The following CRAT variants were observed in gnomAD, a reference collection of about 807,000 sequenced individuals.
The protein encoded by CRAT is carnitine acetylase.
CRAT carries 66 observed loss-of-function variants against 73.7 expected under a neutral mutation model. That is an observed-to-expected ratio of 0.90 (90% confidence interval 0.73 to 1.10). The LOEUF is 1.10. Ranked by LOEUF, CRAT falls within the 50% of genes least tolerant of loss-of-function variation. The probability of loss-of-function intolerance (pLI) is 0.00; values close to 1 mark genes in which losing one functional copy is unlikely to be tolerated. For synonymous variants in CRAT, 321 were observed against 343.2 expected, an observed-to-expected ratio of 0.94 and a Z score of 0.71; for missense variants, 745 against 846.9, an observed-to-expected ratio of 0.88 and a Z score of 1.49.
Position 129,110,704 on chromosome 9 carries a change from CG to C in CRAT, c.-196del. On this transcript the variant is annotated 5_prime_UTR_variant, in exon 1 of 14. Coordinates refer to ENST00000318080, the MANE Select transcript of CRAT (RefSeq NM_000755.5). The surrounding 1 kb of genome is among the most constrained non-coding windows in gnomAD (Gnocchi z 5.3). ...GCCGAGCGGGCTGCGGGAAGGCACC[CG>C]GGGAGGAGGACTCGCGAGGCGGGGC... 1.5e-6 allele frequency: 1 copy of C among 669,416 alleles called. No homozygotes were observed. The highest frequency in any genetic ancestry group is 2.3e-6 in the Non-Finnish European group (1 of 433,462). 41.5% of individuals were successfully genotyped at this position (669,416 alleles called of 1,614,324 possible).
chr9:129,108,732 G>T, intron 1 of CRAT: 1 of 1,303,876 alleles, frequency 7.7e-7, no homozygotes, highest in Non-Finnish European at 1.0e-6. Flanking sequence ...CTTGCAGTGG[G>T]CAGGCGAGTG....
In CRAT at chr9:129,095,003, G is replaced by T; in HGVS notation, c.*394C>A. 4.0e-6 allele frequency: 1 copy of T among 250,996 alleles called. No homozygotes were observed. Among genetic ancestry groups the T allele is most frequent in the East Asian group, 1.0e-4 (1 of 9,890 alleles). The allele number at this position is 250,996 out of a possible 1,614,324, so 15.5% of individuals were successfully genotyped here. A position where few individuals can be genotyped will look rare whatever the true frequency, so the allele number is the denominator to read the frequency against. On this transcript the variant is annotated 3_prime_UTR_variant, in exon 14 of 14. Transcript: ENST00000318080. The stretch of plus-strand genomic sequence containing the variant: ...AGGTCCTGGGAGTTTGGGAAGCAGG[G>T]TACAGATGGTGGCCTGGTCATGGAG...
At position 129,102,581 on chromosome 9, in the gene CRAT, G is replaced by A. The variant is rs1465693621; in HGVS notation, c.465-16C>T. The A allele has an allele frequency of 4.3e-6, 7 of 1,613,222 alleles. No homozygotes were observed. Among genetic ancestry groups the A allele is most frequent in the East Asian group, 2.2e-5 (1 of 44,856 alleles). On this transcript the variant is annotated splice_polypyrimidine_tract_variant and intron_variant, in intron 4 of 13. Coordinates refer to ENST00000318080, the MANE Select transcript of CRAT (RefSeq NM_000755.5). ...CAGGGTCTCGCTATGGGGTAGAGGG[G>A]CAGTGAGGCCACCACTGGGCAAGTG... is the stretch of plus-strand genomic sequence containing the variant.
chr9:129,097,127 T>G, intron 12 of CRAT, 123 bp downstream of exon 12: 7 of 744,350 alleles, frequency 9.4e-6, no homozygotes, highest in Non-Finnish European at 1.4e-5. Flanking sequence ...TGCTCCCAGG[T>G]TGGGGGAGAT....
Position 129,098,141 on chromosome 9 carries a change from C to T in CRAT, c.1336G>A (p.Gly446Arg), listed in dbSNP as rs1392643204. 27 of 1,613,662 alleles carry T rather than the reference C, an allele frequency of 1.7e-5. No homozygotes were observed. Among genetic ancestry groups the T allele is most frequent in the Middle Eastern group, 1.6e-4 (1 of 6,084 alleles). ...ALQLAYYRIY[G>R]QACATYESAS... ...CTTTCATAGGTGGCACATGCCTGTCCGTAGATCCTGGTGGGAAATGGGGCT... is the reference window on the plus strand; with the variant it reads ...CTTTCATAGGTGGCACATGCCTGTCTGTAGATCCTGGTGGGAAATGGGGCT... Residue 446 changes from glycine to arginine, a missense_variant, in exon 11 of 14, where the codon GGA becomes AGA. Coordinates refer to ENST00000318080, the MANE Select transcript of CRAT (RefSeq NM_000755.5).
chr9:129,098,744 G>T, intron 8 of CRAT, 94 bp from the exon 9 acceptor site: 4 of 1,455,852 alleles, frequency 2.7e-6, no homozygotes, highest in Non-Finnish European at 3.7e-6. Flanking sequence ...ACCTGAAGCT[G>T]GAGGGGGCCA....
Position 129,110,706 on chromosome 9 carries a change from GGGA to G in CRAT, c.-200_-198del, listed in dbSNP as rs1848386202. 5 of 667,734 alleles carry G rather than the reference GGGA, an allele frequency of 7.5e-6. No individual in the cohort carries two copies. The highest frequency in any genetic ancestry group is 4.6e-5 in the South Asian group (2 of 43,664). 41.4% of individuals were successfully genotyped at this position (667,734 alleles called of 1,614,324 possible). A position where few individuals can be genotyped will look rare whatever the true frequency, so the allele number is the denominator to read the frequency against. The stretch of plus-strand genomic sequence containing the variant: ...CGAGCGGGCTGCGGGAAGGCACCCG[GGGA>G]GGAGGACTCGCGAGGCGGGGCCTGG... On this transcript the variant is annotated 5_prime_UTR_variant, in exon 1 of 14. Transcript: ENST00000318080. The surrounding 1 kb of genome is among the most constrained non-coding windows in gnomAD (Gnocchi z 5.3).
chr9:129,104,937 G>T (rs1316794678), intron 2 of CRAT, among the ~76,000 whole-genome samples: 3 of 116,920 alleles, frequency 2.6e-5, no homozygotes, highest in Non-Finnish European at 5.0e-5. Context: ...GTCTCGCTCT[G>T]TCCCCCACGC....
chr9:129,099,196 G>A (rs1362045680), intron 8 of CRAT, among the ~76,000 whole-genome samples: 1 of 147,594 alleles, frequency 6.8e-6, no homozygotes, highest in East Asian at 2.0e-4. Context: ...AGGCTAGAGT[G>A]CAATGGTGTG....
Position 129,098,464 on chromosome 9 carries a change from G to C in CRAT, c.1205+67C>G. On this transcript the variant is annotated intron_variant, in intron 9 of 13. Coordinates refer to ENST00000318080, the MANE Select transcript of CRAT (RefSeq NM_000755.5). ...GGGTGTCATGACAGAGCTGGCACAGGAGCCTCTCAAGCTCAAGGGCCTGGC... is the reference window on the plus strand; with the variant it reads ...GGGTGTCATGACAGAGCTGGCACAGCAGCCTCTCAAGCTCAAGGGCCTGGC... 4 of 1,589,376 alleles carry C rather than the reference G, an allele frequency of 2.5e-6. No individual in the cohort carries two copies. In the South Asian group the frequency reaches 3.4e-5, roughly 14 times the overall value.
chr9:129,105,003 C>A (rs1847927435), intron 2 of CRAT, among the ~76,000 whole-genome samples: 1 of 149,938 alleles, frequency 6.7e-6, no homozygotes, highest in African/African-American at 2.4e-5. Flanking sequence ...TGGGTTCACG[C>A]CATTCTCCTG....
Position 129,096,072 on chromosome 9 carries a change from G to C in CRAT, c.1591C>G (p.Leu531Val), listed in dbSNP as rs747519287. ...LGLKLQAIEDLVSMPDIFMDT... is the reference protein window; with the variant it reads ...LGLKLQAIEDVVSMPDIFMDT... ...ATGAAGATGTCGGGCATGCTCACCA[G>C]GTCCTCGATGGCCTGCAGCTTCAGG... Residue 531 changes from leucine (L) to valine (V), a missense_variant, in exon 13 of 14, where the codon CTG becomes GTG. By Grantham distance (32) the Leu-to-Val change is conservative. Coordinates refer to ENST00000318080, the MANE Select transcript of CRAT (RefSeq NM_000755.5). The C allele has an allele frequency of 2.5e-6, 4 of 1,614,024 alleles. No individual in the cohort carries two copies. The highest frequency in any genetic ancestry group is 2.2e-5 in the East Asian group (1 of 44,884).
chr9:129,097,736 G>GT, intron 11 of CRAT: 2 of 459,912 alleles, frequency 4.3e-6, no homozygotes, highest in Non-Finnish European at 7.7e-6. Flanking sequence ...AAAAGAGCGA[G>GT]TATTGCAACT....
rs1251240746 is a variant in CRAT, at chr9:129,107,944, A to T, written c.161T>A (p.Leu54Gln). ...QQSLDHYLKA[L>Q]QPIVSEEEWA... ...CTCCTCCTCACTCACGATGGGCTGC[A>T]GCGCCTTCAGGTAGTGGTCCAGGGA... The change falls in exon 2 of 14, where the codon CTG (leucine) becomes CAG (glutamine). Residue 54 changes from leucine to glutamine, a missense_variant. Coordinates refer to ENST00000318080, the MANE Select transcript of CRAT (RefSeq NM_000755.5). This position sits in a 1 kb window ranked among gnomAD's most constrained non-coding sequence, Gnocchi z 5.0. The T allele has an allele frequency of 7.5e-6, 12 of 1,609,228 alleles. No homozygotes were observed. The highest frequency in any genetic ancestry group is 1.0e-5 in the Non-Finnish European group (12 of 1,179,700).
At position 129,104,282 on chromosome 9, in the gene CRAT, C is replaced by T. The variant is rs762680274; in HGVS notation, c.316G>A (p.Ala106Thr). 15 of 1,613,172 alleles carry T rather than the reference C, an allele frequency of 9.3e-6. No homozygotes were observed. Among genetic ancestry groups the T allele is most frequent in the East Asian group, 6.7e-5 (3 of 44,830 alleles). Residue 106 changes from alanine to threonine, a missense_variant, in exon 3 of 14, where the codon GCC (alanine) becomes ACC (threonine). Physicochemically the swap from Ala to Thr is moderately conservative, Grantham distance 58. Transcript: ENST00000318080. ...NWLSEWWLKTAYLQYRQPVVI... is the reference protein window; with the variant it reads ...NWLSEWWLKTTYLQYRQPVVI... The stretch of plus-strand genomic sequence containing the variant: ...ACAGGCTGGCGGTACTGGAGGTAGG[C>T]GGTCTTGAGCCACCACTCAGACAGC...
chr9:129,095,736 G>C lies in CRAT; in HGVS notation c.1666-124C>G. On this transcript the variant is annotated intron_variant, in intron 13 of 13. Transcript: ENST00000318080. ...GGGCAGGGATCATGGTCTGTCCCCT[G>C]CTATATCCCAGCAACCACTACAGGC... 3 of 1,050,694 alleles carry C rather than the reference G, an allele frequency of 2.9e-6. No homozygotes were observed. In the Middle Eastern group the frequency reaches 9.1e-4, roughly 320 times the overall value. The allele number at this position is 1,050,694 out of a possible 1,614,324, so 65.1% of individuals were successfully genotyped here. A position where few individuals can be genotyped will look rare whatever the true frequency, so the allele number is the denominator to read the frequency against.
chr9:129,109,728 C>T (rs1459481328), intron 1 of CRAT, among the ~76,000 whole-genome samples: 1 of 152,162 alleles, frequency 6.6e-6, no homozygotes, highest in African/African-American at 2.4e-5. Flanking sequence ...GCACCCTCCG[C>T]CCTCTGGCCC....
In CRAT at chr9:129,107,911, T is replaced by C. The variant is rs756737105; in HGVS notation, c.194A>G (p.His65Arg). ...AAACTCATCCACCAGCTGCTTGGTGTGGGCCCACTCCTCCTCACTCACGAT... is the reference window on the plus strand; with the variant it reads ...AAACTCATCCACCAGCTGCTTGGTGCGGGCCCACTCCTCCTCACTCACGAT... ...QPIVSEEEWA[H>R]TKQLVDEFQA... The change falls in exon 2 of 14, where the codon CAC becomes CGC. Residue 65 changes from histidine (H) to arginine (R), a missense_variant. By Grantham distance (29) the His-to-Arg change is conservative. Coordinates refer to ENST00000318080, the MANE Select transcript of CRAT (RefSeq NM_000755.5). The surrounding 1 kb of genome is among the most constrained non-coding windows in gnomAD (Gnocchi z 5.0). The C allele has an allele frequency of 6.2e-7, 1 of 1,611,070 alleles. No homozygotes were observed. Among genetic ancestry groups the C allele is most frequent in the South Asian group, 1.1e-5 (1 of 91,022 alleles).
intron 9 of CRAT, 47 bp downstream of exon 9, chr9:129,098,484 C>T (rs1381493271): frequency 1.9e-6 from 3 of 1,590,828 alleles, no homozygotes; most frequent in Non-Finnish European, 2.6e-6. Context: ...AGCTCAAGGG[C>T]CTGGCCTCAC....
Sources: allele counts gnomAD v4.1 joint callset (sites outside exome capture counted in the v4.1 genomes callset), GRCh38; gene constraint gnomAD v4.1.1; non-coding constraint Gnocchi (gnomAD v3.1); transcripts MANE v1.5; gene names NCBI Gene and HGNC (gene_info 2026-07-23, HGNC 2026-07-21).